SEMA3C: variants seen among roughly 807,000 people sequenced by gnomAD.
SEMA3C encodes semaphorin 3C, also known as semaphorin-3C.
Under a neutral mutation model 89.4 loss-of-function variants are expected in SEMA3C, and 47 were observed. The observed-to-expected ratio is 0.53, with a 90% confidence interval of 0.42 to 0.67. The LOEUF is 0.67. SEMA3C is among the 30% of genes least tolerant of loss of function. SEMA3C has a pLI of 0.00. For synonymous variants in SEMA3C, 310 were observed against 320.2 expected, an observed-to-expected ratio of 0.97 and a Z score of 0.34; for missense variants, 839 against 929.1, an observed-to-expected ratio of 0.90 and a Z score of 1.26.
chr7:80,869,126 T>C (rs1389214636), intron 2 of SEMA3C, among the ~76,000 whole-genome samples: 1 of 152,186 alleles, frequency 6.6e-6, no homozygotes. Flanking sequence ...ATCCTGGTGT[T>C]CCAAATCAGC....
rs58566322 is a variant in SEMA3C, at chr7:80,856,583, GAA to G, written c.104-27840_104-27839del. 7.4e-3 allele frequency among the ~76,000 whole-genome samples: 857 copies of G among 116,296 alleles called. 7 individuals carry two copies. Among genetic ancestry groups the G allele is most frequent in the East Asian group, 0.038 (153 of 3,990 alleles). The allele number at this position is 116,296 out of a possible 152,430, so 76.3% of individuals were successfully genotyped here. A position where few individuals can be genotyped will look rare whatever the true frequency, so the allele number is the denominator to read the frequency against. On this transcript the variant is annotated intron_variant, in intron 2 of 17. Transcript: ENST00000265361. Reference sequence around the variant, plus strand: ...CTAGGTTGGAATAGGAATTTATGCTGAAAAAAAAAAAAAATCCTTACACCTCA... The same window carrying G: ...CTAGGTTGGAATAGGAATTTATGCTGAAAAAAAAAAAATCCTTACACCTCA...
intron 2 of SEMA3C, among the ~76,000 whole-genome samples, chr7:80,864,240 G>T (rs373435946): frequency 6.6e-6 from 1 of 151,758 alleles, no homozygotes; most frequent in African/African-American, 2.4e-5. Flanking sequence ...TGGGGACTTG[G>T]GGGGAAGAGT....
chr7:80,902,962 G>C (rs1243649464), intron 2 of SEMA3C, among the ~76,000 whole-genome samples: 1 of 152,172 alleles, frequency 6.6e-6, no homozygotes. Flanking sequence ...GCATAAGCCC[G>C]CTGAATTACT....
chr7:80,765,441 T>A (rs906416880), intron 12 of SEMA3C, among the ~76,000 whole-genome samples, 198 bp from the exon 13 acceptor site: 1 of 152,244 alleles, frequency 6.6e-6, no homozygotes, highest in Non-Finnish European at 1.5e-5. Flanking sequence ...CAAGGGGAAC[T>A]AATATGAATA....
intron 2 of SEMA3C, among the ~76,000 whole-genome samples, chr7:80,912,219 A>G (rs998430402): frequency 1.3e-5 from 2 of 152,176 alleles, no homozygotes; most frequent in Non-Finnish European, 2.9e-5. Flanking sequence ...CAGCATATCA[A>G]TGTAACACCT....
At chr7:80,859,781 T>C (rs1007951886) in intron 2 of SEMA3C, among the ~76,000 whole-genome samples, 8 of 152,120 alleles carry the variant, frequency 5.3e-5, no homozygotes, top group African/African-American at 1.9e-4. Context: ...GAGGCCTTAT[T>C]TGGTGATGAC....
chr7:80,769,569 A>G (rs967935633), intron 12 of SEMA3C, among the ~76,000 whole-genome samples: 21 of 152,274 alleles, frequency 1.4e-4, no homozygotes, highest in African/African-American at 5.1e-4. Context: ...TAATAAAAAG[A>G]TAATGCAGGC....
chr7:80,830,363 C>T (rs184660773), intron 2 of SEMA3C, among the ~76,000 whole-genome samples: 7 of 152,208 alleles, frequency 4.6e-5, no homozygotes, highest in African/African-American at 1.7e-4. Context: ...AAATGAGTGA[C>T]AAGAGATAGT....
intron 2 of SEMA3C, among the ~76,000 whole-genome samples, chr7:80,856,446 G>A (rs1790642180): frequency 6.6e-6 from 1 of 150,430 alleles, no homozygotes; most frequent in South Asian, 2.1e-4. Context: ...GCAGAGAAAG[G>A]CTGGCACTGC....
At chr7:80,829,503 T>G (rs995841783) in intron 2 of SEMA3C, among the ~76,000 whole-genome samples, 17 of 152,186 alleles carry the variant, frequency 1.1e-4, no homozygotes, top group African/African-American at 4.1e-4. Flanking sequence ...TTGCCTTGCT[T>G]CCCAACGTAA....
intron 2 of SEMA3C, among the ~76,000 whole-genome samples, chr7:80,839,657 T>C: frequency 6.6e-6 from 1 of 152,118 alleles, no homozygotes; most frequent in Non-Finnish European, 1.5e-5. Context: ...CTTGTAGGGA[T>C]ATATTTTAAA....
chr7:80,852,676 C>CAT (rs1483790778), intron 2 of SEMA3C, among the ~76,000 whole-genome samples: 3 of 142,454 alleles, frequency 2.1e-5, no homozygotes, highest in African/African-American at 8.5e-5. Flanking sequence ...GCTGAATAGA[C>CAT]ATTTTTTTTT....
At chr7:80,884,616 T>C (rs1319523206) in intron 2 of SEMA3C, among the ~76,000 whole-genome samples, 1 of 152,168 alleles carries the variant, frequency 6.6e-6, no homozygotes, top group African/African-American at 2.4e-5. Context: ...GGGAAAGTGT[T>C]GATGCGAGAA....
At chr7:80,791,894 C>A (rs1788948513) in intron 11 of SEMA3C, among the ~76,000 whole-genome samples, 1 of 152,206 alleles carries the variant, frequency 6.6e-6, no homozygotes, top group Non-Finnish European at 1.5e-5. Context: ...TTATCTCACT[C>A]ATTTAGACTG....
At chr7:80,899,482 T>C (rs114179933) in intron 2 of SEMA3C, among the ~76,000 whole-genome samples, 1,877 of 152,360 alleles carry the variant, frequency 0.012, 30 homozygotes, top group African/African-American at 0.039. Flanking sequence ...TTTTTTCTAA[T>C]TGTATTTTCA....
chr7:80,898,382 C>CAAAA (rs56897062), intron 2 of SEMA3C, among the ~76,000 whole-genome samples: 7,799 of 151,816 alleles, frequency 0.051, 540 homozygotes, highest in African/African-American at 0.15. Flanking sequence ...AACAAACAAA[C>CAAAA]AACAGAAAAA....
intron 2 of SEMA3C, among the ~76,000 whole-genome samples, chr7:80,849,177 ATCT>A (rs1172189963): frequency 2.6e-5 from 4 of 152,148 alleles, no homozygotes; most frequent in Admixed American, 2.6e-4. Context: ...TTCTACAGTA[ATCT>A]TCTTTACTGT....
At chr7:80,781,396 A>T (rs1788687795) in intron 12 of SEMA3C, among the ~76,000 whole-genome samples, 1 of 152,244 alleles carries the variant, frequency 6.6e-6, no homozygotes, top group Non-Finnish European at 1.5e-5. Context: ...CTAATACCAC[A>T]GACTTCCTCA....
rs537792454 is a variant in SEMA3C, at chr7:80,797,519, T to G, written c.1131+573A>C. The stretch of plus-strand genomic sequence containing the variant: ...ATAGTTAAATAGTTCTAATCTGTGT[T>G]ACTTCAGTTACAAATATTTTATTTT... On this transcript the variant is annotated intron_variant, in intron 11 of 17. Transcript: ENST00000265361. 2.2e-4 allele frequency among the ~76,000 whole-genome samples: 34 copies of G among 152,360 alleles called. 1 individual carries two copies. The South Asian group carries it at 3.5e-3, about 16-fold the overall frequency.
Sources: allele counts gnomAD v4.1 joint callset (sites outside exome capture counted in the v4.1 genomes callset), GRCh38; gene constraint gnomAD v4.1.1; transcripts MANE v1.5; gene names NCBI Gene and HGNC (gene_info 2026-07-23, HGNC 2026-07-21).